The following CDK14 variants were observed in gnomAD, a reference collection of about 807,000 sequenced individuals.
The protein encoded by CDK14 is cyclin dependent kinase 14, also known as cyclin-dependent kinase 14.
A neutral mutation model predicts 60.7 loss-of-function variants in CDK14; 34 were observed. That is an observed-to-expected ratio of 0.56 (90% CI 0.43 to 0.75). The LOEUF (loss-of-function observed/expected upper bound fraction) is 0.75. CDK14 is among the 30% of genes least tolerant of loss of function. The pLI, the probability that CDK14 is intolerant of heterozygous loss-of-function variation, is 0.00. For missense variants in CDK14, 482 were observed against 564.1 expected (o/e 0.85, Z 1.47); for synonymous variants, 197 against 203.7 (o/e 0.97, Z 0.28).
intron 5 of CDK14, among the ~76,000 whole-genome samples, chr7:90,822,827 A>T (rs1045762651): frequency 3.3e-5 from 5 of 152,210 alleles, no homozygotes; most frequent in African/African-American, 9.6e-5. Context: ...GGCAGTCTTT[A>T]GAAGGGATTA....
chr7:90,949,347 C>T (rs1702516018), intron 8 of CDK14, among the ~76,000 whole-genome samples: 1 of 151,836 alleles, frequency 6.6e-6, no homozygotes, highest in Admixed American at 6.6e-5. Flanking sequence ...TTTACAGGCG[C>T]CCGCCACCAC....
At chr7:90,752,429 CAATT>C (rs1174288662) in intron 4 of CDK14, among the ~76,000 whole-genome samples, 3 of 151,924 alleles carry the variant, frequency 2.0e-5, no homozygotes, top group Non-Finnish European at 2.9e-5. Flanking sequence ...TTTGATTAAA[CAATT>C]AAAGCAGAAG....
chr7:90,648,678 A>G (rs574325270), intron 2 of CDK14, among the ~76,000 whole-genome samples: 2 of 152,220 alleles, frequency 1.3e-5, no homozygotes, highest in South Asian at 4.1e-4. Context: ...GGATATTTAA[A>G]CAGATTTGGG....
rs73398989 is a variant in CDK14, at chr7:91,067,940, G to A, written c.1106-11492G>A. ...TCCTGAAATCATAGCAAATTATTAA[G>A]CTTGCTTTGCGGATAGTACAAAGTT... On this transcript the variant is annotated intron_variant, in intron 11 of 14. Transcript: ENST00000380050. Among the ~76,000 whole-genome samples, 1,235 of 152,272 alleles carry A rather than the reference G, an allele frequency of 8.1e-3. 19 individuals are homozygous for A. The highest frequency in any genetic ancestry group is 0.027 in the African/African-American group (1,139 of 41,558).
intron 12 of CDK14, among the ~76,000 whole-genome samples, chr7:91,085,300 G>T (rs1033248237): frequency 6.6e-6 from 1 of 152,034 alleles, no homozygotes; most frequent in Non-Finnish European, 1.5e-5. Flanking sequence ...AGTTCCTTGG[G>T]GGGTATGGCT....
chr7:90,753,868 A>G (rs577050553), intron 4 of CDK14, among the ~76,000 whole-genome samples: 20 of 152,328 alleles, frequency 1.3e-4, no homozygotes, highest in African/African-American at 4.3e-4. Context: ...CAAGAATGCA[A>G]TTTCATTTAC....
intron 2 of CDK14, chr7:90,726,123 T>C (rs1394756879): frequency 6.5e-6 from 1 of 154,726 alleles, no homozygotes; most frequent in Non-Finnish European, 1.4e-5. Flanking sequence ...CATAATGCCC[T>C]TTCCTTCTCT....
intron 10 of CDK14, among the ~76,000 whole-genome samples, chr7:91,008,999 A>T (rs1796075480): frequency 6.6e-6 from 1 of 151,588 alleles, no homozygotes; most frequent in Non-Finnish European, 1.5e-5. Flanking sequence ...ACCTCCTTGT[A>T]GTCCCCCCTT....
At chr7:90,616,610 G>C (rs888643994) in intron 2 of CDK14, among the ~76,000 whole-genome samples, 6 of 152,072 alleles carry the variant, frequency 3.9e-5, no homozygotes, top group Admixed American at 2.6e-4. Context: ...TTCCCCAAGA[G>C]GTTTGCATTA....
rs4015338 is a variant in CDK14 at position 90,874,820 on chromosome 7, G to A, written c.639+11551G>A. On this transcript the variant is annotated intron_variant, in intron 6 of 14. Coordinates refer to ENST00000380050, the MANE Select transcript of CDK14 (RefSeq NM_001287135.2). ...TGGGATTACAGGCGTGAGCCACCGC[G>A]CCCGGCCTCATCCTTTTTTTAATGT... Among the ~76,000 whole-genome samples the A allele has an allele frequency of 5.5e-3, 834 of 152,006 alleles. 6 individuals are homozygous for A. Among genetic ancestry groups the A allele is most frequent in the Middle Eastern group, 0.02 (6 of 294 alleles).
At chr7:90,985,918 T>C (rs988007565) in intron 10 of CDK14, among the ~76,000 whole-genome samples, 1 of 152,114 alleles carries the variant, frequency 6.6e-6, no homozygotes, top group Non-Finnish European at 1.5e-5. Flanking sequence ...GTTAACATGA[T>C]TATAAAAATA....
intron 12 of CDK14, among the ~76,000 whole-genome samples, chr7:91,091,914 T>C (rs1798843892): frequency 6.6e-6 from 1 of 152,074 alleles, no homozygotes; most frequent in South Asian, 2.1e-4. Flanking sequence ...AAGACATCAG[T>C]AGACTGGTTT....
chr7:90,675,775 G>C (rs1563040755), intron 2 of CDK14, among the ~76,000 whole-genome samples: 1 of 152,166 alleles, frequency 6.6e-6, no homozygotes, highest in Non-Finnish European at 1.5e-5. Context: ...ATGCAAAACT[G>C]AGAGAAAACC....
In CDK14 at chr7:90,963,936, G is replaced by A. The variant is rs995382110; in HGVS notation, c.947+8119G>A. ...TCACCATGTTGGTCAGGCTGGTCTC[G>A]AACTCCTGACCTCGAGATCCACCTG... On this transcript the variant is annotated intron_variant, in intron 9 of 14. Coordinates refer to ENST00000380050, the MANE Select transcript of CDK14 (RefSeq NM_001287135.2). Among the ~76,000 whole-genome samples, 6 of 151,836 alleles carry A rather than the reference G, an allele frequency of 4.0e-5. No homozygotes were observed. The East Asian group carries it at 9.6e-4, about 24-fold the overall frequency.
At chr7:90,659,875 CTGTGTG>C (rs149308809) in intron 2 of CDK14, among the ~76,000 whole-genome samples, 2 of 128,976 alleles carry the variant, frequency 1.6e-5, no homozygotes, top group Non-Finnish European at 3.3e-5. Context: ...CTCTCTCTCT[CTGTGTG>C]TGTGTGTGTG....
chr7:90,760,960 C>T (rs1804290064), intron 4 of CDK14, among the ~76,000 whole-genome samples: 1 of 152,206 alleles, frequency 6.6e-6, no homozygotes, highest in African/African-American at 2.4e-5. Context: ...AAATCCTACT[C>T]AAATTGCAGA....
chr7:91,099,584 G>A (rs1799099032), intron 12 of CDK14, among the ~76,000 whole-genome samples: 1 of 152,226 alleles, frequency 6.6e-6, no homozygotes, highest in South Asian at 2.1e-4. Flanking sequence ...TGAAGTCGGT[G>A]AAATAATAAG....
intron 5 of CDK14, among the ~76,000 whole-genome samples, chr7:90,805,021 A>G (rs1264113661): frequency 6.6e-6 from 1 of 152,152 alleles, no homozygotes; most frequent in African/African-American, 2.4e-5. Context: ...ATTGAGGCCT[A>G]GACATAAATA....
chr7:90,670,680 TA>T (rs1263477534), intron 2 of CDK14, among the ~76,000 whole-genome samples: 1 of 151,940 alleles, frequency 6.6e-6, no homozygotes, highest in Non-Finnish European at 1.5e-5. Flanking sequence ...GTTGCACCCT[TA>T]AACAACCAGA....
Sources: gnomAD v4.1 joint callset for allele counts (sites outside exome capture counted in the v4.1 genomes callset) on GRCh38, gnomAD v4.1.1 for gene constraint, MANE v1.5 for transcripts, NCBI Gene and HGNC (gene_info 2026-07-23, HGNC 2026-07-21) for gene names.